Variants in CDH17 observed in about 807,000 individuals in gnomAD.
The protein encoded by CDH17 is cadherin-17.
Under a neutral mutation model 86.3 loss-of-function variants are expected in CDH17, and 67 were observed. The observed-to-expected ratio is 0.78, with a 90% CI of 0.64 to 0.95. CDH17 has a LOEUF of 0.95. Among genes scored for constraint, CDH17 ranks in the 40% least tolerant of loss-of-function variants. The pLI is 0.00. For missense variants in CDH17, 993 were observed against 1,017.6 expected (o/e 0.98, Z 0.33); for synonymous variants, 367 against 366.4 (o/e 1.00, Z -0.02).
upstream of CDH17, among the ~76,000 whole-genome samples, chr8:94,210,179 A>T (rs1814098420): frequency 2.1e-5 from 3 of 143,500 alleles, no homozygotes; most frequent in Middle Eastern, 7.8e-3. Context: ...CCTATTCACT[A>T]CAGCTATAGA....
At chr8:94,130,060 G>C (rs1162348825) in intron 17 of CDH17, among the ~76,000 whole-genome samples, 2 of 152,212 alleles carry the variant, frequency 1.3e-5, no homozygotes, top group Non-Finnish European at 2.9e-5. Context: ...AAGACAGCTA[G>C]ATCAGGGGAC....
chr8:94,170,848 A>G lies in CDH17; in HGVS notation c.915+6T>C. The G allele has an allele frequency of 6.2e-7, 1 of 1,611,706 alleles. No homozygotes were observed. Among genetic ancestry groups the G allele is most frequent in the South Asian group, 1.1e-5 (1 of 90,682 alleles). On this transcript the variant is annotated splice_donor_region_variant and intron_variant, in intron 8 of 17. Coordinates refer to ENST00000027335, the MANE Select transcript of CDH17 (RefSeq NM_004063.4). ...GTCGCCTGTGAAACTCTTCTCTTTT[A>G]CTCACTGCATCCTTTTCTTCTCGGT...
chr8:94,201,109 T>C (rs1813903936), intron 1 of CDH17, among the ~76,000 whole-genome samples: 1 of 152,150 alleles, frequency 6.6e-6, no homozygotes, highest in South Asian at 2.1e-4. Context: ...TTTTTCCCCC[T>C]ACTTTGCAGC....
Position 94,133,077 on chromosome 8 carries a change from G to A in CDH17, c.2168-2085C>T, listed in dbSNP as rs948405475. Among the ~76,000 whole-genome samples, 4 of 152,264 alleles carry A rather than the reference G, an allele frequency of 2.6e-5. 1 individual carries two copies. The highest frequency in any genetic ancestry group is 9.6e-5 in the African/African-American group (4 of 41,556). ...CTGTTTTGGTTACTGTAGCCTTGTA[G>A]TATAGTTTGAAGTCAGGTAGTGTGA... On this transcript the variant is annotated intron_variant, in intron 15 of 17. Coordinates refer to ENST00000027335, the MANE Select transcript of CDH17 (RefSeq NM_004063.4).
At chr8:94,178,053 T>C (rs1174990522) in intron 3 of CDH17, among the ~76,000 whole-genome samples, 1 of 152,208 alleles carries the variant, frequency 6.6e-6, no homozygotes. Flanking sequence ...AAAGGGTAGC[T>C]TTCTCTCTAG....
At chr8:94,209,407 T>C (rs1220727668), upstream of CDH17, among the ~76,000 whole-genome samples, 1 of 152,204 alleles carries the variant, frequency 6.6e-6, no homozygotes, top group Non-Finnish European at 1.5e-5. Flanking sequence ...GTTCATTTCT[T>C]GGCTTCTCCT....
chr8:94,190,147 T>C (rs1813659054), intron 2 of CDH17, among the ~76,000 whole-genome samples: 1 of 152,220 alleles, frequency 6.6e-6, no homozygotes, highest in Admixed American at 6.5e-5. Flanking sequence ...AAAGTTACTA[T>C]TGTTACCCTT....
At chr8:94,144,803 T>G (rs1177439617) in intron 15 of CDH17, among the ~76,000 whole-genome samples, 1 of 152,198 alleles carries the variant, frequency 6.6e-6, no homozygotes, top group Non-Finnish European at 1.5e-5. Flanking sequence ...TTAAAAATGC[T>G]TGCAACTCAG....
intron 12 of CDH17, among the ~76,000 whole-genome samples, chr8:94,152,500 T>C (rs1467086296): frequency 7.9e-5 from 12 of 152,196 alleles, no homozygotes; most frequent in Admixed American, 7.9e-4. Context: ...TTTGTTCAAG[T>C]GATTCTCCTG....
chr8:94,159,868 G>A, intron 12 of CDH17, 103 bp downstream of exon 12: 2 of 790,124 alleles, frequency 2.5e-6, no homozygotes, highest in Non-Finnish European at 3.8e-6. Flanking sequence ...ATGCCTGAGA[G>A]ATGGCTGCTA....
At chr8:94,187,423 C>G (rs1301026586) in intron 3 of CDH17, among the ~76,000 whole-genome samples, 1 of 152,142 alleles carries the variant, frequency 6.6e-6, no homozygotes, top group African/African-American at 2.4e-5. Context: ...ATCCCCAGTA[C>G]CCAGCAGAGC....
chr8:94,167,628 G>T (rs1376213901), intron 9 of CDH17, among the ~76,000 whole-genome samples: 1 of 152,184 alleles, frequency 6.6e-6, no homozygotes, highest in African/African-American at 2.4e-5. Flanking sequence ...TGTGTGCTGG[G>T]ATGAAAGAGT....
chr8:94,205,749 T>C (rs953515195), intron 1 of CDH17, among the ~76,000 whole-genome samples: 17 of 152,140 alleles, frequency 1.1e-4, no homozygotes, highest in African/African-American at 3.4e-4. Flanking sequence ...GCTCAACAAA[T>C]GCAAGCTAAG....
intron 17 of CDH17, among the ~76,000 whole-genome samples, chr8:94,129,099 T>C (rs950244104): frequency 1.2e-4 from 19 of 152,214 alleles, no homozygotes; most frequent in Admixed American, 1.2e-3. Context: ...CATGAAACTG[T>C]AAAATCCTAT....
intron 13 of CDH17, among the ~76,000 whole-genome samples, chr8:94,150,567 T>C (rs1168318977): frequency 6.6e-6 from 1 of 152,202 alleles, no homozygotes; most frequent in Non-Finnish European, 1.5e-5. Context: ...TATTCCTTAC[T>C]CCTGAAACAC....
intron 15 of CDH17, among the ~76,000 whole-genome samples, chr8:94,134,153 G>A (rs1812475475): frequency 6.6e-6 from 1 of 152,186 alleles, no homozygotes; most frequent in African/African-American, 2.4e-5. Context: ...TTGGCATCAG[G>A]ATGAAGCTGG....
intron 10 of CDH17, among the ~76,000 whole-genome samples, chr8:94,162,590 C>T (rs1024225680): frequency 2.0e-5 from 3 of 152,208 alleles, no homozygotes; most frequent in African/African-American, 7.2e-5. Context: ...CTGAACACAT[C>T]CAACCTACAT....
chr8:94,191,021 C>G (rs896584299), intron 2 of CDH17, among the ~76,000 whole-genome samples: 1 of 152,212 alleles, frequency 6.6e-6, no homozygotes, highest in African/African-American at 2.4e-5. Flanking sequence ...CTTCCTCCCA[C>G]CACAGAGACC....
intron 3 of CDH17, 43 bp downstream of exon 3, chr8:94,189,144 A>T (rs763307704): frequency 7.6e-7 from 1 of 1,322,314 alleles, no homozygotes; most frequent in Admixed American, 1.8e-5. Flanking sequence ...CCACCAAGAG[A>T]GCATACAAAA....
Sources: allele counts gnomAD v4.1 joint callset (sites outside exome capture counted in the v4.1 genomes callset), GRCh38; gene constraint gnomAD v4.1.1; transcripts MANE v1.5; gene names NCBI Gene and HGNC (gene_info 2026-07-23, HGNC 2026-07-21).